Variants in UGT1A4 observed in about 807,000 individuals in gnomAD.
UGT1A4 encodes UDP-glucuronosyltransferase 1A4.
Under a neutral mutation model 41.1 loss-of-function variants are expected in UGT1A4, and 32 were observed. The ratio of observed to expected loss-of-function variants is 0.78; its 90% CI spans 0.59 to 1.05. The LOEUF (loss-of-function observed/expected upper bound fraction) is 1.05, where lower values mean the gene tolerates loss of function less well. Among genes scored for constraint, UGT1A4 ranks in the 50% least tolerant of loss-of-function variants. The probability of loss-of-function intolerance (pLI) is 0.00; values close to 1 mark genes in which losing one functional copy is unlikely to be tolerated. For missense variants in UGT1A4, 748 were observed against 677.4 expected, an observed-to-expected ratio of 1.10 and a Z score of -1.16; for synonymous variants, 283 against 265.1, an observed-to-expected ratio of 1.07 and a Z score of -0.66.
rs760166727 is a variant in UGT1A4 at position 233,760,242 on chromosome 2, A to G, written c.868-6792A>G. ...ATCGATTGGTTTTTGCCATATATAT[A>G]TATATAAGTAGGAGAGGGCGAACCT... On this transcript the variant is annotated intron_variant, in intron 1 of 4. Coordinates refer to ENST00000373409, the MANE Select transcript of UGT1A4 (RefSeq NM_007120.3). The G allele has an allele frequency of 7.2e-5, 116 of 1,607,556 alleles. 3 individuals carry two copies. The Admixed American group carries it at 1.9e-3, about 26-fold the overall frequency.
At chr2:233,746,211 T>C (rs371025099) in intron 1 of UGT1A4, among the ~76,000 whole-genome samples, 2 of 151,850 alleles carry the variant, frequency 1.3e-5, no homozygotes, top group East Asian at 3.9e-4. Flanking sequence ...TATACTCTAA[T>C]AGCAAGGACA....
intron 1 of UGT1A4, among the ~76,000 whole-genome samples, chr2:233,736,665 A>C (rs1163835582): frequency 2.0e-5 from 3 of 152,142 alleles, no homozygotes; most frequent in Non-Finnish European, 4.4e-5. Flanking sequence ...TATGTACCTT[A>C]GGTCTTTGAT....
At chr2:233,754,396 GT>G in intron 1 of UGT1A4, 1 of 330,590 alleles carries the variant, frequency 3.0e-6, no homozygotes, top group South Asian at 2.6e-5. Flanking sequence ...GGTCCTATCC[GT>G]GCAGTCCCAA....
chr2:233,747,689 A>G lies in UGT1A4; in HGVS notation c.868-19345A>G, dbSNP rs552388790. The stretch of plus-strand genomic sequence containing the variant: ...TAGACCCAATTTACCTCTGTGGGGC[A>G]GTGCTGGCTAAGTACCTATCAATTC... On this transcript the variant is annotated intron_variant, in intron 1 of 4. Transcript: ENST00000373409. 1.1e-5 allele frequency: 18 copies of G among 1,609,782 alleles called. No homozygotes were observed. In the Middle Eastern group the frequency reaches 5.0e-4, roughly 44 times the overall value.
At chr2:233,733,232 T>G (rs2078369792) in intron 1 of UGT1A4, among the ~76,000 whole-genome samples, 1 of 152,224 alleles carries the variant, frequency 6.6e-6, no homozygotes, top group Non-Finnish European at 1.5e-5. Flanking sequence ...GTTTTCTAAA[T>G]ATACAATCAT....
chr2:233,743,636 C>A (rs764566878), intron 1 of UGT1A4: 1 of 1,367,194 alleles, frequency 7.3e-7, no homozygotes. Context: ...GGCTGGGTCG[C>A]GGAAGCTGAA....
In UGT1A4 at chr2:233,760,202, A is replaced by ACAT. The variant is rs1697345011; in HGVS notation, c.868-6831_868-6829dup. ...TTTTATAGTCACGTGACACAGTCAA[A>ACAT]CATTAACTTGGTGTATCGATTGGTT... is the stretch of plus-strand genomic sequence containing the variant. On this transcript the variant is annotated intron_variant, in intron 1 of 4. Transcript: ENST00000373409. The ACAT allele has an allele frequency of 2.7e-5, 43 of 1,583,728 alleles. No homozygotes were observed. In the South Asian group the frequency reaches 4.6e-4, roughly 17 times the overall value.
intron 1 of UGT1A4, among the ~76,000 whole-genome samples, chr2:233,732,898 G>T (rs1347576081): frequency 6.6e-6 from 1 of 151,914 alleles, no homozygotes; most frequent in Non-Finnish European, 1.5e-5. Context: ...AATTACCTTG[G>T]GCAGTATGGC....
At chr2:233,753,221 CTTCTTGTAT>C (rs979493311) in intron 1 of UGT1A4, 4 of 152,156 alleles carry the variant, frequency 2.6e-5, no homozygotes, top group African/African-American at 9.7e-5. Flanking sequence ...TATTTTGATA[CTTCTTGTAT>C]AGTTATTATT....
intron 1 of UGT1A4, among the ~76,000 whole-genome samples, chr2:233,727,274 G>C (rs779419718): frequency 6.6e-6 from 1 of 152,104 alleles, no homozygotes; most frequent in Non-Finnish European, 1.5e-5. Context: ...CTCATCTCCA[G>C]ACCCTGGAAG....
At chr2:233,735,660 T>C (rs2078678346) in intron 1 of UGT1A4, among the ~76,000 whole-genome samples, 1 of 152,214 alleles carries the variant, frequency 6.6e-6, no homozygotes, top group South Asian at 2.1e-4. Flanking sequence ...GGTGTTTCTT[T>C]CCATGTTTAG....
intron 1 of UGT1A4, chr2:233,752,561 A>G (rs1440235236): frequency 6.6e-6 from 1 of 152,232 alleles, no homozygotes; most frequent in Non-Finnish European, 1.5e-5. Context: ...GGGACAACAT[A>G]GTGGGTCAAC....
intron 1 of UGT1A4, chr2:233,721,813 G>C: frequency 1.9e-6 from 1 of 515,244 alleles, no homozygotes; most frequent in South Asian, 1.4e-5. Context: ...CAAAAATCCA[G>C]CACCCTATTT....
chr2:233,736,695 G>A (rs1463496904), intron 1 of UGT1A4, among the ~76,000 whole-genome samples: 1 of 152,174 alleles, frequency 6.6e-6, no homozygotes, highest in Admixed American at 6.5e-5. Context: ...CTACAGATGG[G>A]GTTTTGGTGT....
At position 233,747,852 on chromosome 2, in the gene UGT1A4, A is replaced by G. The variant is rs1025681492; in HGVS notation, c.868-19182A>G. The G allele has an allele frequency of 1.3e-5, 21 of 1,613,396 alleles. 1 individual carries two copies. The African/African-American group carries it at 1.9e-4, about 14-fold the overall frequency. On this transcript the variant is annotated intron_variant, in intron 1 of 4. Coordinates refer to ENST00000373409, the MANE Select transcript of UGT1A4 (RefSeq NM_007120.3). ...GACATTCCTGCAAAGGGTCAAGAAC[A>G]TGCTCTACCCTCTGGCCCTGTCCTA...
intron 1 of UGT1A4, among the ~76,000 whole-genome samples, chr2:233,761,486 A>C (rs1697783062): frequency 6.6e-6 from 1 of 152,228 alleles, no homozygotes; most frequent in South Asian, 2.1e-4. Flanking sequence ...TGAAGCCTGC[A>C]CCTTGCCCTG....
chr2:233,761,974 C>T (rs914774281), intron 1 of UGT1A4, among the ~76,000 whole-genome samples: 3 of 152,214 alleles, frequency 2.0e-5, no homozygotes, highest in African/African-American at 7.2e-5. Context: ...CTGATATCAC[C>T]TTCGGAGGTG....
chr2:233,772,134 T>C (rs1486740901), intron 4 of UGT1A4, 128 bp from the exon 5 acceptor site: 2 of 1,545,866 alleles, frequency 1.3e-6, no homozygotes, highest in Non-Finnish European at 1.7e-6. Flanking sequence ...ACAACAACAA[T>C]AATAGAAACA....
At chr2:233,747,784 C>A in intron 1 of UGT1A4, 1 of 1,613,530 alleles carries the variant, frequency 6.2e-7, no homozygotes, top group Non-Finnish European at 8.5e-7. Context: ...CCAAATCCTT[C>A]CTCCTATATT....
Sources: gnomAD v4.1 joint callset for allele counts (sites outside exome capture counted in the v4.1 genomes callset) on GRCh38, gnomAD v4.1.1 for gene constraint, MANE v1.5 for transcripts, NCBI Gene and HGNC (gene_info 2026-07-23, HGNC 2026-07-21) for gene names.